VPS13C: variants seen among roughly 807,000 people sequenced by gnomAD.
VPS13C encodes intermembrane lipid transfer protein VPS13C.
A neutral mutation model predicts 456.8 loss-of-function variants in VPS13C; 358 were observed. The observed-to-expected ratio is 0.78, with a 90% CI of 0.72 to 0.86. The LOEUF (loss-of-function observed/expected upper bound fraction) is 0.86. VPS13C is among the 40% of genes least tolerant of loss of function. The probability of loss-of-function intolerance (pLI) is 0.00; values close to 1 mark genes in which losing one functional copy is unlikely to be tolerated. For missense variants in VPS13C, 4,818 were observed against 4,385.4 expected (o/e 1.10, Z -2.79); for synonymous variants, 1,578 against 1,486.7 (o/e 1.06, Z -1.41).
rs779147743 is a variant in VPS13C at position 61,890,241 on chromosome 15, A to C, written c.9265T>G (p.Leu3089Val). ...EMEQADYEIT[L>V]SLHSLGLSLV... is the part of the protein sequence containing the mutation. ...GAAAGCCCAAGACTGTGGAGAGACA[A>C]GGTTATTTCATAATCAGCCTGTTCC... is the stretch of plus-strand genomic sequence containing the variant. Residue 3089 changes from leucine to valine, a missense_variant, in exon 67 of 85, where the codon TTG becomes GTG. Physicochemically the swap from Leu to Val is conservative, Grantham distance 32 (BLOSUM62 1). Transcript: ENST00000644861. The C allele has an allele frequency of 1.2e-6, 2 of 1,614,106 alleles. No homozygotes were observed. Among genetic ancestry groups the C allele is most frequent in the African/African-American group, 1.3e-5 (1 of 75,034 alleles).
intron 8 of VPS13C, 143 bp from the exon 9 acceptor site, chr15:62,020,681 G>A: frequency 3.1e-6 from 2 of 642,502 alleles, no homozygotes; most frequent in East Asian, 5.9e-5. Flanking sequence ...AGGGGAAGGA[G>A]GTAATAACAT....
chr15:61,922,205 AAATT>A (rs1428725603), intron 54 of VPS13C, among the ~76,000 whole-genome samples, 172 bp from the exon 55 acceptor site: 1 of 152,210 alleles, frequency 6.6e-6, no homozygotes, highest in African/African-American at 2.4e-5. Context: ...CTATTGTCAT[AAATT>A]ATTTAGCAAA....
At chr15:61,907,832 ACAG>A (rs1330028429) in intron 65 of VPS13C, among the ~76,000 whole-genome samples, 1 of 152,180 alleles carries the variant, frequency 6.6e-6, no homozygotes, top group African/African-American at 2.4e-5. Flanking sequence ...ATATTGCACT[ACAG>A]CCTCAAACTC....
At chr15:62,048,961 T>C (rs1233076139) in intron 1 of VPS13C, among the ~76,000 whole-genome samples, 2 of 151,300 alleles carry the variant, frequency 1.3e-5, no homozygotes, top group East Asian at 3.9e-4. Flanking sequence ...TTTGTTTTTT[T>C]CTTGTAAATT....
chr15:61,976,787 G>A (rs2045715475), intron 24 of VPS13C, among the ~76,000 whole-genome samples: 1 of 151,836 alleles, frequency 6.6e-6, no homozygotes, highest in African/African-American at 2.4e-5. Context: ...ATTATCAAAA[G>A]AGCCTCTAAT....
intron 66 of VPS13C, among the ~76,000 whole-genome samples, chr15:61,901,578 G>A (rs2042997557): frequency 3.3e-5 from 5 of 152,320 alleles, no homozygotes; most frequent in Non-Finnish European, 7.3e-5. Context: ...TCTCACACCA[G>A]TTAGAATGGC....
intron 67 of VPS13C, among the ~76,000 whole-genome samples, chr15:61,884,674 A>T (rs1896135058): frequency 6.7e-6 from 1 of 149,864 alleles, no homozygotes; most frequent in African/African-American, 2.5e-5. Flanking sequence ...TCTTAAAAAC[A>T]AGTCTATTAA....
At chr15:61,881,716 T>A in intron 70 of VPS13C, 31 bp downstream of exon 70, 1 of 1,604,434 alleles carries the variant, frequency 6.2e-7, no homozygotes, top group Non-Finnish European at 8.5e-7. Context: ...ATAAATAAGG[T>A]ATATCTATGT....
chr15:61,891,273 A>C (rs1001542788), intron 66 of VPS13C, among the ~76,000 whole-genome samples: 2 of 152,202 alleles, frequency 1.3e-5, no homozygotes, highest in African/African-American at 4.8e-5. Flanking sequence ...TTCAATAAGC[A>C]GTACGAGTAC....
chr15:61,886,906 A>G (rs1359281837), intron 67 of VPS13C, among the ~76,000 whole-genome samples: 1 of 152,186 alleles, frequency 6.6e-6, no homozygotes, highest in African/African-American at 2.4e-5. Context: ...AACTTAAAGG[A>G]GAACTTCCTC....
At chr15:61,903,673 G>A (rs1485069097) in intron 66 of VPS13C, among the ~76,000 whole-genome samples, 4 of 152,154 alleles carry the variant, frequency 2.6e-5, no homozygotes, top group African/African-American at 7.2e-5. Flanking sequence ...TATGGAACCT[G>A]AATAGCCAAA....
chr15:62,016,771 C>A (rs572234628), intron 9 of VPS13C, among the ~76,000 whole-genome samples: 2 of 152,066 alleles, frequency 1.3e-5, no homozygotes, highest in African/African-American at 2.4e-5. Flanking sequence ...ATTTATATTC[C>A]TTTGGGTATA....
At chr15:61,873,436 A>G (rs1453825990) in intron 77 of VPS13C, 27 bp from the exon 78 acceptor site, 26 of 1,608,848 alleles carry the variant, frequency 1.6e-5, no homozygotes, top group Non-Finnish European at 2.2e-5. Flanking sequence ...ATTAATTTCT[A>G]GAATATACAA....
At chr15:61,922,852 T>C (rs1410225937) in intron 53 of VPS13C, 90 bp from the exon 54 acceptor site, 1 of 994,784 alleles carries the variant, frequency 1.0e-6, no homozygotes, top group Non-Finnish European at 1.3e-6. Flanking sequence ...CATACATTAA[T>C]TATAAGTGAC....
Position 62,060,295 on chromosome 15 carries a change from A to G in VPS13C, c.80T>C (p.Leu27Pro). The change falls in exon 1 of 85, where the codon CTG becomes CCG. Residue 27 changes from leucine to proline, a missense_variant. Transcript: ENST00000644861. ...DYVENLNKSQLKLGIWGGNVA... is the reference protein window; with the variant it reads ...DYVENLNKSQPKLGIWGGNVA... ...CTTACCGCCCCAGATGCCCAGCTTC[A>G]GCTGGGACTTGTTCAGGTTCTCCAC... 3 of 1,606,486 alleles carry G rather than the reference A, an allele frequency of 1.9e-6. No homozygotes were observed. The highest frequency in any genetic ancestry group is 2.5e-6 in the Non-Finnish European group (3 of 1,177,080).
At chr15:61,968,699 C>T (rs1466217391) in intron 28 of VPS13C, among the ~76,000 whole-genome samples, 3 of 152,044 alleles carry the variant, frequency 2.0e-5, no homozygotes, top group Non-Finnish European at 4.4e-5. Context: ...CCTGGTGTTT[C>T]TTGTGGTATA....
rs1202649240 is a variant in VPS13C, at chr15:61,974,312, T to C, written c.2514A>G (p.Ser838=). ...CCTGTCTCTCTGGAGACTGGGCTGATGATTTCTGTGGCAAAGGTATACTGT... is the reference window on the plus strand; with the variant it reads ...CCTGTCTCTCTGGAGACTGGGCTGACGATTTCTGTGGCAAAGGTATACTGT... The part of the protein sequence containing the change: ...LMNSIPLPQK[S]SAQSPERQVS... The change falls in exon 25 of 85, where the codon TCA becomes TCG. Residue 838 remains serine (S), a synonymous_variant. Transcript: ENST00000644861. 15 of 1,612,246 alleles carry C rather than the reference T, an allele frequency of 9.3e-6. No individual in the cohort carries two copies. Among genetic ancestry groups the C allele is most frequent in the Non-Finnish European group, 1.3e-5 (15 of 1,178,870 alleles).
chr15:62,007,189 C>T (rs1555441487), intron 15 of VPS13C, 119 bp downstream of exon 15: 1 of 889,250 alleles, frequency 1.1e-6, no homozygotes, highest in Non-Finnish European at 1.5e-6. Context: ...ATAATTCTCT[C>T]TCAAAAAGAG....
intron 2 of VPS13C, among the ~76,000 whole-genome samples, chr15:62,043,313 T>G (rs2048300032): frequency 6.6e-6 from 1 of 152,120 alleles, no homozygotes; most frequent in African/African-American, 2.4e-5. Context: ...TCAAAGAAAT[T>G]AAGAAGTTAG....
Sources: allele counts gnomAD v4.1 joint callset (sites outside exome capture counted in the v4.1 genomes callset), GRCh38; gene constraint gnomAD v4.1.1; transcripts MANE v1.5; gene names NCBI Gene and HGNC (gene_info 2026-07-23, HGNC 2026-07-21).